Variants in SYNPR observed in about 807,000 individuals in gnomAD.
SYNPR encodes the protein synaptoporin.
A neutral mutation model predicts 32.9 loss-of-function variants in SYNPR; 23 were observed. The observed-to-expected ratio is 0.70, with a 90% CI of 0.50 to 0.99. The LOEUF (loss-of-function observed/expected upper bound fraction) is 0.99. SYNPR is among the 50% of genes least tolerant of loss of function. The pLI is 0.00. For missense variants in SYNPR, 318 were observed against 349.3 expected, an observed-to-expected ratio of 0.91 and a Z score of 0.71; for synonymous variants, 146 against 135.9, an observed-to-expected ratio of 1.07 and a Z score of -0.52.
At position 63,243,867 on chromosome 3, in the gene SYNPR, T is replaced by TA. The variant is rs566870221; in HGVS notation, n.67-8624dup. On this transcript the variant is annotated intron_variant and non_coding_transcript_variant, in intron 1 of 4. Transcript: ENST00000478456. Reference sequence around the variant, plus strand: ...AGATTGAGTTAAAGGAGCTGTGGAATAAAAAAAACAAAAACAAAAACAAAA... The same window carrying TA: ...AGATTGAGTTAAAGGAGCTGTGGAATAAAAAAAAACAAAAACAAAAACAAAA... 2.3e-3 allele frequency among the ~76,000 whole-genome samples: 345 copies of TA among 151,110 alleles called. 5 individuals are homozygous for TA. The highest frequency in any genetic ancestry group is 3.1e-3 in the Non-Finnish European group (208 of 67,694).
intron 3 of SYNPR, among the ~76,000 whole-genome samples, chr3:63,509,309 T>C (rs1301924132): frequency 6.6e-6 from 1 of 150,468 alleles, no homozygotes; most frequent in African/African-American, 2.4e-5. Flanking sequence ...TACACACACA[T>C]ATATATAACT....
chr3:63,256,797 T>C (rs1479083967), intron 2 of SYNPR, among the ~76,000 whole-genome samples: 1 of 151,978 alleles, frequency 6.6e-6, no homozygotes, highest in Admixed American at 6.6e-5. Flanking sequence ...TTCGAACCCA[T>C]GGCAAAGAAG....
chr3:63,266,362 T>C (rs1468451055), intron 2 of SYNPR, among the ~76,000 whole-genome samples: 1 of 152,098 alleles, frequency 6.6e-6, no homozygotes, highest in African/African-American at 2.4e-5. Context: ...TTTAATATTA[T>C]GGTGCCTAGT....
intron 2 of SYNPR, among the ~76,000 whole-genome samples, chr3:63,441,895 TC>T (rs1700185034): frequency 6.6e-6 from 1 of 152,144 alleles, no homozygotes; most frequent in South Asian, 2.1e-4. Flanking sequence ...GTTGTTCATT[TC>T]TTCCCCACAC....
intron 1 of SYNPR, among the ~76,000 whole-genome samples, chr3:63,242,240 TCA>T (rs1327867662): frequency 6.6e-6 from 1 of 151,928 alleles, no homozygotes; most frequent in Non-Finnish European, 1.5e-5. Flanking sequence ...CTTAAAAATA[TCA>T]GAGTGCTATG....
intron 3 of SYNPR, among the ~76,000 whole-genome samples, chr3:63,539,741 G>C (rs1702266550): frequency 6.6e-6 from 1 of 152,128 alleles, no homozygotes; most frequent in Non-Finnish European, 1.5e-5. Flanking sequence ...AGACAGAGAA[G>C]GGAGCAAGCC....
At chr3:63,511,599 T>C (rs1466958) in intron 3 of SYNPR, among the ~76,000 whole-genome samples, 290 of 152,302 alleles carry the variant, frequency 1.9e-3, no homozygotes, top group Non-Finnish European at 3.4e-3. Flanking sequence ...GACCGGAAGA[T>C]ATCAGGCCTA....
At chr3:63,605,595 C>A (rs1468499294) in intron 4 of SYNPR, among the ~76,000 whole-genome samples, 1 of 152,100 alleles carries the variant, frequency 6.6e-6, no homozygotes, top group Non-Finnish European at 1.5e-5. Flanking sequence ...AATCTGCCCA[C>A]AAGATACAAG....
At chr3:63,372,909 G>C (rs1190992585) in intron 2 of SYNPR, among the ~76,000 whole-genome samples, 1 of 152,180 alleles carries the variant, frequency 6.6e-6, no homozygotes, top group Non-Finnish European at 1.5e-5. Context: ...GGCTGAACAA[G>C]AGCCTACCAA....
chr3:63,431,492 CTA>C (rs1240711480), intron 2 of SYNPR, among the ~76,000 whole-genome samples: 1 of 152,062 alleles, frequency 6.6e-6, no homozygotes, highest in African/African-American at 2.4e-5. Flanking sequence ...AGATGGCTAA[CTA>C]TGACACAGGA....
intron 2 of SYNPR, among the ~76,000 whole-genome samples, chr3:63,337,022 A>C (rs1296822992): frequency 6.6e-6 from 1 of 152,096 alleles, no homozygotes; most frequent in Non-Finnish European, 1.5e-5. Flanking sequence ...ACTTGAGGTC[A>C]GGAGTTCGAG....
intron 3 of SYNPR, among the ~76,000 whole-genome samples, chr3:63,509,207 G>A (rs973875110): frequency 6.7e-6 from 1 of 149,642 alleles, no homozygotes; most frequent in Non-Finnish European, 1.5e-5. Context: ...ATATATGTAT[G>A]TGTATATACA....
chr3:63,614,238 T>C (rs909742269), intron 5 of SYNPR, among the ~76,000 whole-genome samples: 1 of 152,252 alleles, frequency 6.6e-6, no homozygotes, highest in African/African-American at 2.4e-5. Flanking sequence ...TACTGTTACC[T>C]GTCTCCATTA....
At chr3:63,421,453 C>T (rs1699796659) in intron 2 of SYNPR, among the ~76,000 whole-genome samples, 1 of 149,580 alleles carries the variant, frequency 6.7e-6, no homozygotes, top group South Asian at 2.1e-4. Flanking sequence ...GGATGAATCT[C>T]AAAAATCATT....
intron 2 of SYNPR, among the ~76,000 whole-genome samples, chr3:63,259,032 G>A (rs999491865): frequency 6.6e-6 from 1 of 152,140 alleles, no homozygotes; most frequent in African/African-American, 2.4e-5. Flanking sequence ...GGAAGAAGCT[G>A]AATCTCTGAA....
intron 2 of SYNPR, among the ~76,000 whole-genome samples, chr3:63,466,049 T>C (rs1700671644): frequency 6.6e-6 from 1 of 152,180 alleles, no homozygotes; most frequent in Non-Finnish European, 1.5e-5. Context: ...CCTGATCCTC[T>C]CTCTCCTCCT....
rs75322878 is a variant in SYNPR at position 63,388,865 on chromosome 3, A to C, written c.85-91967A>C. 1.0e-2 allele frequency among the ~76,000 whole-genome samples: 1,517 copies of C among 152,276 alleles called. 16 individuals carry two copies. The highest frequency in any genetic ancestry group is 0.051 in the East Asian group (265 of 5,166). On this transcript the variant is annotated intron_variant, in intron 2 of 5. Transcript: ENST00000478300. ...ATTAGGCTTCCAAAGCCCTTAATTG[A>C]TACTTGCTCACACAACACAAATTCC...
chr3:63,392,786 T>C (rs1208648872), intron 2 of SYNPR, among the ~76,000 whole-genome samples: 4 of 152,186 alleles, frequency 2.6e-5, no homozygotes, highest in Non-Finnish European at 4.4e-5. Flanking sequence ...ATTATTATTA[T>C]AGTTAACTTT....
At chr3:63,516,540 A>G (rs1164297265) in intron 3 of SYNPR, among the ~76,000 whole-genome samples, 1 of 152,184 alleles carries the variant, frequency 6.6e-6, no homozygotes, top group Non-Finnish European at 1.5e-5. Flanking sequence ...TATACAGTGC[A>G]GACATCGTAA....
Sources: allele counts gnomAD v4.1 joint callset (sites outside exome capture counted in the v4.1 genomes callset), GRCh38; gene constraint gnomAD v4.1.1; transcripts MANE v1.5; gene names NCBI Gene and HGNC (gene_info 2026-07-23, HGNC 2026-07-21).